Variants in SNTG2 observed in about 807,000 individuals in gnomAD.
SNTG2 encodes the protein gamma-2-syntrophin.
Under a neutral mutation model 70.9 loss-of-function variants are expected in SNTG2, and 74 were observed. The ratio of observed to expected loss-of-function variants is 1.04; its 90% CI spans 0.86 to 1.27. The LOEUF is 1.27. Ranked by LOEUF, SNTG2 falls within the 50% of genes most tolerant of loss-of-function variation. The pLI, the probability that SNTG2 is intolerant of heterozygous loss-of-function variation, is 0.00. For missense variants in SNTG2, 717 were observed against 690.7 expected, an observed-to-expected ratio of 1.04 and a Z score of -0.43; for synonymous variants, 278 against 273.8, an observed-to-expected ratio of 1.02 and a Z score of -0.15.
intron 8 of SNTG2, among the ~76,000 whole-genome samples, chr2:1,181,303 T>C (rs1476279136): frequency 6.6e-6 from 1 of 152,172 alleles, no homozygotes; most frequent in Non-Finnish European, 1.5e-5. Flanking sequence ...AATACTAGCA[T>C]TGATAGTGTC....
chr2:1,295,692 A>C (rs920999007), intron 14 of SNTG2, among the ~76,000 whole-genome samples: 39 of 150,376 alleles, frequency 2.6e-4, no homozygotes, highest in African/African-American at 9.4e-4. Context: ...CCACTGTAGA[A>C]GGCTGAGTCT....
chr2:1,102,846 C>T (rs888678236), intron 4 of SNTG2: 1 of 152,370 alleles, frequency 6.6e-6, no homozygotes, highest in African/African-American at 2.4e-5. Context: ...AGGCTGGACA[C>T]TTGCCTGATG....
intron 8 of SNTG2, among the ~76,000 whole-genome samples, chr2:1,206,315 G>A (rs28561626): frequency 0.32 from 49,286 of 152,010 alleles, 8,537 homozygotes; most frequent in East Asian, 0.66. Flanking sequence ...AGGCCTTTCC[G>A]GGCACCCTGC....
At chr2:1,236,481 C>T (rs545616305) in intron 9 of SNTG2, among the ~76,000 whole-genome samples, 1 of 152,298 alleles carries the variant, frequency 6.6e-6, no homozygotes, top group Admixed American at 6.5e-5. Context: ...GGCTTCTTCC[C>T]CTCTCCGGCT....
rs141246937 is a variant in SNTG2 at position 1,181,939 on chromosome 2, C to T, written c.591+8756C>T. On this transcript the variant is annotated intron_variant, in intron 8 of 16. Coordinates refer to ENST00000308624, the MANE Select transcript of SNTG2 (RefSeq NM_018968.4). ...AAATCCCACTCACATTAATATCATGCGTTTAGGTTTGGAAGTACAGAATCC... is the reference window on the plus strand; with the variant it reads ...AAATCCCACTCACATTAATATCATGTGTTTAGGTTTGGAAGTACAGAATCC... Among the ~76,000 whole-genome samples, 56 of 152,236 alleles carry T rather than the reference C, an allele frequency of 3.7e-4. 2 individuals are homozygous for T. The highest frequency in any genetic ancestry group is 1.1e-3 in the African/African-American group (46 of 41,536).
At chr2:1,225,714 A>G (rs1212202613) in intron 9 of SNTG2, among the ~76,000 whole-genome samples, 1 of 152,216 alleles carries the variant, frequency 6.6e-6, no homozygotes, top group African/African-American at 2.4e-5. Flanking sequence ...GAATTTAAGC[A>G]CCGTCTGGAC....
At chr2:1,079,389 A>G (rs1176090695) in intron 1 of SNTG2, among the ~76,000 whole-genome samples, 1 of 152,240 alleles carries the variant, frequency 6.6e-6, no homozygotes, top group Non-Finnish European at 1.5e-5. Context: ...GTATAGAAGA[A>G]AGGGATTAGC....
intron 1 of SNTG2, among the ~76,000 whole-genome samples, chr2:1,056,279 G>C (rs1336044233): frequency 2.3e-5 from 1 of 43,098 alleles, no homozygotes. Context: ...GGAGGGAGAG[G>C]CCGCGCCGTG....
intron 1 of SNTG2, among the ~76,000 whole-genome samples, chr2:1,067,092 A>G (rs1355048259): frequency 1.3e-5 from 2 of 151,776 alleles, no homozygotes; most frequent in East Asian, 1.9e-4. Context: ...GTCTCACATC[A>G]TTTCCATAGT....
At chr2:1,216,785 A>G (rs1169152185) in intron 9 of SNTG2, among the ~76,000 whole-genome samples, 1 of 152,152 alleles carries the variant, frequency 6.6e-6, no homozygotes, top group African/African-American at 2.4e-5. Flanking sequence ...TGTAATCTTC[A>G]TGATCCCACG....
intron 16 of SNTG2, among the ~76,000 whole-genome samples, chr2:1,319,242 A>G (rs1166906465): frequency 6.6e-6 from 1 of 152,194 alleles, no homozygotes; most frequent in Non-Finnish European, 1.5e-5. Context: ...GATTGCATCT[A>G]TTTCCATCGT....
intron 13 of SNTG2, among the ~76,000 whole-genome samples, chr2:1,265,674 A>C (rs1453866508): frequency 6.6e-6 from 1 of 152,174 alleles, no homozygotes; most frequent in African/African-American, 2.4e-5. Flanking sequence ...TATTTGGCCA[A>C]CTGCTGAGTT....
At chr2:1,190,017 C>T (rs547019007) in intron 8 of SNTG2, among the ~76,000 whole-genome samples, 8 of 151,630 alleles carry the variant, frequency 5.3e-5, no homozygotes, top group South Asian at 2.1e-4. Flanking sequence ...TTTATGATCT[C>T]GGGAAAGGGA....
intron 1 of SNTG2, among the ~76,000 whole-genome samples, chr2:960,545 G>A (rs1007194988): frequency 2.0e-5 from 3 of 152,188 alleles, no homozygotes; most frequent in African/African-American, 7.2e-5. Flanking sequence ...GGTGAGCTCT[G>A]AGGGTTCCGG....
At chr2:1,028,339 A>G (rs181690407) in intron 1 of SNTG2, among the ~76,000 whole-genome samples, 10 of 152,336 alleles carry the variant, frequency 6.6e-5, no homozygotes, top group Admixed American at 4.6e-4. Context: ...TGACCCACAG[A>G]CACTAAGCTC....
chr2:1,040,617 A>G (rs188444943), intron 1 of SNTG2, among the ~76,000 whole-genome samples: 5 of 152,366 alleles, frequency 3.3e-5, no homozygotes, highest in African/African-American at 1.2e-4. Flanking sequence ...TTGATAATAG[A>G]AAAACTTTGC....
chr2:997,768 C>T (rs1023237846), intron 1 of SNTG2, among the ~76,000 whole-genome samples: 2 of 152,226 alleles, frequency 1.3e-5, no homozygotes, highest in Non-Finnish European at 2.9e-5. Context: ...AGCCTGTTGC[C>T]TGAAGCACCA....
chr2:983,753 A>G (rs1487799801), intron 1 of SNTG2, among the ~76,000 whole-genome samples: 1 of 152,204 alleles, frequency 6.6e-6, no homozygotes, highest in African/African-American at 2.4e-5. Flanking sequence ...GGTCCAGAAT[A>G]TATTGAGTAG....
chr2:1,267,819 C>T (rs942040631), intron 14 of SNTG2, among the ~76,000 whole-genome samples: 16 of 152,162 alleles, frequency 1.1e-4, no homozygotes, highest in African/African-American at 3.4e-4. Context: ...ATGTGAGGAA[C>T]GGGCTGCATC....
Sources: allele counts gnomAD v4.1 joint callset (sites outside exome capture counted in the v4.1 genomes callset), GRCh38; gene constraint gnomAD v4.1.1; transcripts MANE v1.5; gene names NCBI Gene and HGNC (gene_info 2026-07-23, HGNC 2026-07-21).